The following ASRGL1 variants were observed in gnomAD, a reference collection of about 807,000 sequenced individuals.
ASRGL1 encodes the protein isoaspartyl peptidase/L-asparaginase.
In ASRGL1, 16 loss-of-function variants were observed where a neutral mutation model predicts 22.4. That is an observed-to-expected ratio of 0.71 (90% confidence interval 0.48 to 1.08). The LOEUF is 1.08. ASRGL1 is among the 50% of genes least tolerant of loss of function. The pLI, the probability that ASRGL1 is intolerant of heterozygous loss-of-function variation, is 0.00. For missense variants in ASRGL1, 412 were observed against 410.1 expected, an observed-to-expected ratio of 1.00 and a Z score of -0.04; for synonymous variants, 165 against 159.3, an observed-to-expected ratio of 1.04 and a Z score of -0.27.
At chr11:62,394,011 T>G (rs761159342), downstream of ASRGL1, among the ~76,000 whole-genome samples, 17 of 145,338 alleles carry the variant, frequency 1.2e-4, no homozygotes, top group Admixed American at 6.4e-4. Context: ...ATAATTTATA[T>G]ATTATAATAT....
chr11:62,392,324 C>G lies in ASRGL1; in HGVS notation c.*40C>G. 1.9e-6 allele frequency: 3 copies of G among 1,601,592 alleles called. No homozygotes were observed. Among genetic ancestry groups the G allele is most frequent in the Non-Finnish European group, 2.6e-6 (3 of 1,170,306 alleles). ...GTATTCCAGATGCTAGCTTAGAGGT[C>G]AAGTACAGTCTCCTCATGAGACATA... On this transcript the variant is annotated 3_prime_UTR_variant, in exon 7 of 7. Transcript: ENST00000415229.
At chr11:62,383,603 A>C (rs1271933935) in intron 4 of ASRGL1, among the ~76,000 whole-genome samples, 2 of 15,618 alleles carry the variant, frequency 1.3e-4, no homozygotes, top group African/African-American at 3.7e-4. Flanking sequence ...ACTCCTACTC[A>C]AAAAAAAAAA....
At chr11:62,383,830 A>G (rs1947134324) in intron 4 of ASRGL1, among the ~76,000 whole-genome samples, 1 of 150,266 alleles carries the variant, frequency 6.7e-6, no homozygotes, top group Non-Finnish European at 1.5e-5. Context: ...AGGCTGAGGC[A>G]GGAGAACTGC....
At chr11:62,372,182 G>C in intron 4 of ASRGL1, 1 of 999,510 alleles carries the variant, frequency 1.0e-6, no homozygotes, top group South Asian at 1.3e-5. Context: ...CAAGAGAGTA[G>C]AAGCCCCCAG....
At chr11:62,372,984 G>T in intron 4 of ASRGL1, 1 of 1,422,508 alleles carries the variant, frequency 7.0e-7, no homozygotes, top group Non-Finnish European at 9.9e-7. Context: ...ACCGACCTTT[G>T]GGGAACTGGG....
rs1296977980 is a variant in ASRGL1, at chr11:62,392,314, G to A, written c.*30G>A. On this transcript the variant is annotated 3_prime_UTR_variant, in exon 7 of 7. Transcript: ENST00000415229. Reference sequence around the variant, plus strand: ...CTGGAAGATTGTATTCCAGATGCTAGCTTAGAGGTCAAGTACAGTCTCCTC... The same window carrying A: ...CTGGAAGATTGTATTCCAGATGCTAACTTAGAGGTCAAGTACAGTCTCCTC... 6.2e-6 allele frequency: 10 copies of A among 1,609,970 alleles called. No individual in the cohort carries two copies. The highest frequency in any genetic ancestry group is 8.5e-6 in the Non-Finnish European group (10 of 1,177,714).
chr11:62,394,589 G>A (rs1947408552), downstream of ASRGL1, among the ~76,000 whole-genome samples: 1 of 151,942 alleles, frequency 6.6e-6, no homozygotes, highest in South Asian at 2.1e-4. Flanking sequence ...TCGCTAAGGA[G>A]ATAGAAAAAA....
intron 4 of ASRGL1, among the ~76,000 whole-genome samples, chr11:62,366,226 C>T (rs1210060284): frequency 7.1e-6 from 1 of 141,588 alleles, no homozygotes; most frequent in Non-Finnish European, 1.6e-5. Context: ...CACACGACTG[C>T]ACTCCAGCCT....
intron 1 of ASRGL1, 135 bp downstream of exon 1, chr11:62,337,709 G>A (rs1945755467): frequency 2.6e-6 from 1 of 377,632 alleles, no homozygotes; most frequent in Non-Finnish European, 4.7e-6. Context: ...GCGGCGGTGG[G>A]CGCGGGTTAA....
intron 2 of ASRGL1, among the ~76,000 whole-genome samples, chr11:62,344,644 T>A (rs1408765924): frequency 6.6e-6 from 1 of 151,682 alleles, no homozygotes; most frequent in Non-Finnish European, 1.5e-5. Context: ...CTTATGGGAG[T>A]ACGTGAGATA....
chr11:62,392,306 A>G lies in ASRGL1; in HGVS notation c.*22A>G. 6.2e-7 allele frequency: 1 copy of G among 1,611,650 alleles called. No individual in the cohort carries two copies. The highest frequency in any genetic ancestry group is 2.1e-4 in the Middle Eastern group (1 of 4,864). On this transcript the variant is annotated 3_prime_UTR_variant, in exon 7 of 7. Transcript: ENST00000415229. ...CTAAGCCGCTGGAAGATTGTATTCC[A>G]GATGCTAGCTTAGAGGTCAAGTACA...
intron 4 of ASRGL1, chr11:62,372,638 C>G: frequency 1.1e-6 from 1 of 920,706 alleles, no homozygotes; most frequent in Non-Finnish European, 1.8e-6. Context: ...ACATGCTGGT[C>G]CTGGACTCCC....
intron 4 of ASRGL1, among the ~76,000 whole-genome samples, chr11:62,362,518 TA>T (rs1481010650): frequency 1.2e-4 from 4 of 32,550 alleles, no homozygotes; most frequent in Non-Finnish European, 2.2e-4. Flanking sequence ...TAACATATAT[TA>T]TTTATATAAT....
chr11:62,349,126 A>G (rs1025252028), intron 2 of ASRGL1, among the ~76,000 whole-genome samples: 8 of 151,828 alleles, frequency 5.3e-5, no homozygotes, highest in African/African-American at 1.9e-4. Flanking sequence ...GCACCACCAC[A>G]CCCAACTAAT....
rs563803390 is a variant in ASRGL1, at chr11:62,337,785, G to T, written c.-88-105G>T. 28 of 528,850 alleles carry T rather than the reference G, an allele frequency of 5.3e-5. No homozygotes were observed. The African/African-American group carries it at 5.4e-4, about 10-fold the overall frequency. The allele number at this position is 528,850 out of a possible 1,614,324, so 32.8% of individuals were successfully genotyped here. A position where few individuals can be genotyped will look rare whatever the true frequency, so the allele number is the denominator to read the frequency against. ...GGGGCGGAGAGGAACGCGGGAGGGC[G>T]CCGGGCCCCTGGGCTTTTCGTACCA... On this transcript the variant is annotated intron_variant, in intron 1 of 6. Transcript: ENST00000415229.
chr11:62,361,536 G>T, intron 4 of ASRGL1, among the ~76,000 whole-genome samples: 1 of 140,390 alleles, frequency 7.1e-6, no homozygotes, highest in Middle Eastern at 4.2e-3. Context: ...TCAACAGGCT[G>T]GAGTGCAGTG....
intron 2 of ASRGL1, among the ~76,000 whole-genome samples, chr11:62,344,684 T>C (rs1018919856): frequency 6.6e-6 from 1 of 152,104 alleles, no homozygotes; most frequent in Admixed American, 6.6e-5. Flanking sequence ...TGCATAATAA[T>C]CAGGGTAAAT....
intron 4 of ASRGL1, chr11:62,383,097 A>G (rs878879691): frequency 6.6e-6 from 1 of 152,216 alleles, no homozygotes; most frequent in Admixed American, 6.5e-5. Flanking sequence ...CCACAAATCC[A>G]TATAGTATTT....
At position 62,356,281 on chromosome 11, in the gene ASRGL1, C is replaced by T. The variant is rs111315597; in HGVS notation, c.191-44C>T. The T allele has an allele frequency of 1.3e-3, 2,137 of 1,606,084 alleles. 6 individuals carry two copies. The African/African-American group carries it at 0.015, about 11-fold the overall frequency. On this transcript the variant is annotated intron_variant, in intron 2 of 6. Transcript: ENST00000415229. Reference sequence around the variant, plus strand: ...CCCCCCACCTCCCTCCCGGACGGGGCGTAAATTCTTAATTCTTGCTTTTCA... The same window carrying T: ...CCCCCCACCTCCCTCCCGGACGGGGTGTAAATTCTTAATTCTTGCTTTTCA...
Sources: gnomAD v4.1 joint callset for allele counts (sites outside exome capture counted in the v4.1 genomes callset) on GRCh38, gnomAD v4.1.1 for gene constraint, MANE v1.5 for transcripts, NCBI Gene and HGNC (gene_info 2026-07-23, HGNC 2026-07-21) for gene names.